CCDC196: variants seen among roughly 807,000 people sequenced by gnomAD.
CCDC196 encodes the protein coiled-coil domain-containing protein 196.
chr14:66,496,495 G>C (rs899450319), intron 8 of CCDC196, among the ~76,000 whole-genome samples: 2 of 152,166 alleles, frequency 1.3e-5, no homozygotes, highest in Non-Finnish European at 2.9e-5. Context: ...TTATACCTAC[G>C]ATGAAGTCTT....
rs1331191687 is a variant in CCDC196 at position 66,491,010 on chromosome 14, T to C, written c.430-11T>C. On this transcript the variant is annotated splice_polypyrimidine_tract_variant and intron_variant, in intron 5 of 9. Transcript: ENST00000636229. ...ACCTCTTATTCCTTTAGCTCTCTTC[T>C]TTCATCCCAGGCTCCCAAATCCCCC... 1 of 413,380 alleles carries C rather than the reference T, an allele frequency of 2.4e-6. No homozygotes were observed. Among genetic ancestry groups the C allele is most frequent in the Non-Finnish European group, 4.4e-6 (1 of 226,178 alleles). 25.6% of individuals were successfully genotyped at this position (413,380 alleles called of 1,614,324 possible). A position where few individuals can be genotyped will look rare whatever the true frequency, so the allele number is the denominator to read the frequency against.
intron 8 of CCDC196, 59 bp from the exon 9 acceptor site, chr14:66,498,049 TG>T (rs1255255404): frequency 1.3e-5 from 5 of 396,410 alleles, no homozygotes; most frequent in South Asian, 2.8e-4. Flanking sequence ...ACAAAACTAG[TG>T]GTTTTTTTTT....
Position 66,486,723 on chromosome 14 carries a change from A to G in CCDC196, c.117A>G (p.Glu39=). ...LNEDLKLRKQ[E]LLEMLKPLED... ...AGGACTTAAAGCTAAGGAAGCAGGA[A>G]CTGCTAGAGATGCTCAAACCTCTAG... Residue 39 remains glutamate (E), a synonymous_variant, in exon 2 of 10, where the codon GAA becomes GAG. Transcript: ENST00000636229. 2.4e-6 allele frequency: 1 copy of G among 413,450 alleles called. No homozygotes were observed. The highest frequency in any genetic ancestry group is 4.4e-6 in the Non-Finnish European group (1 of 226,126). The allele number at this position is 413,450 out of a possible 1,614,324, so 25.6% of individuals were successfully genotyped here.
At chr14:66,488,337 C>T (rs1029229806) in intron 3 of CCDC196, 81 bp downstream of exon 3, 2 of 405,660 alleles carry the variant, frequency 4.9e-6, no homozygotes, top group Non-Finnish European at 8.9e-6. Flanking sequence ...GAGAGAAAGA[C>T]AGAGTACTCA....
chr14:66,488,802 C>A (rs2057468658), intron 3 of CCDC196, among the ~76,000 whole-genome samples, 185 bp from the exon 4 acceptor site: 1 of 151,066 alleles, frequency 6.6e-6, no homozygotes. Context: ...TTTTTTTTAC[C>A]ATCATCATCA....
intron 9 of CCDC196, 57 bp downstream of exon 9, chr14:66,498,224 G>C (rs1470951452): frequency 7.3e-6 from 3 of 412,830 alleles, no homozygotes; most frequent in Middle Eastern, 6.3e-4. Context: ...TGAATAGATA[G>C]TGGGTATAGA....
intron 2 of CCDC196, among the ~76,000 whole-genome samples, chr14:66,487,161 T>G (rs1355898696): frequency 6.6e-6 from 1 of 152,108 alleles, no homozygotes; most frequent in Non-Finnish European, 1.5e-5. Flanking sequence ...AACTCTGCTC[T>G]TTCTATGCCA....
At chr14:66,493,457 G>GGTC (rs2057589052) in intron 8 of CCDC196, among the ~76,000 whole-genome samples, 1 of 152,138 alleles carries the variant, frequency 6.6e-6, no homozygotes, top group Non-Finnish European at 1.5e-5. Flanking sequence ...TTCTCCTCCA[G>GGTC]GTCCATATAA....
chr14:66,494,224 T>C (rs1296517430), intron 8 of CCDC196, among the ~76,000 whole-genome samples: 2 of 152,226 alleles, frequency 1.3e-5, no homozygotes, highest in South Asian at 2.1e-4. Flanking sequence ...TCTGCATTCA[T>C]TTAGCACTAA....
At chr14:66,498,065 T>C (rs202226535) in intron 8 of CCDC196, 44 bp from the exon 9 acceptor site, 266 of 393,654 alleles carry the variant, frequency 6.8e-4, no homozygotes, top group African/African-American at 2.9e-3. Context: ...TTTTTTTTTT[T>C]CCCCCTCAAA....
chr14:66,488,384 T>C, intron 3 of CCDC196, 128 bp downstream of exon 3: 1 of 396,024 alleles, frequency 2.5e-6, no homozygotes, highest in East Asian at 3.6e-5. Context: ...CATATCTCCT[T>C]GATCTAGAAA....
intron 6 of CCDC196, 80 bp downstream of exon 6, chr14:66,491,184 G>C: frequency 2.5e-6 from 1 of 407,994 alleles, no homozygotes; most frequent in East Asian, 3.6e-5. Flanking sequence ...ATTTGCCTAA[G>C]GTATGGTGTG....
At chr14:66,493,592 G>A (rs184806571) in intron 8 of CCDC196, among the ~76,000 whole-genome samples, 1 of 152,258 alleles carries the variant, frequency 6.6e-6, no homozygotes, top group East Asian at 1.9e-4. Context: ...CTGATAAAAA[G>A]ATATTAATCT....
intron 2 of CCDC196, 107 bp downstream of exon 2, chr14:66,486,916 G>A: frequency 2.5e-6 from 1 of 405,554 alleles, no homozygotes. Flanking sequence ...AATTACTAAA[G>A]GTTTGGACAT....
chr14:66,486,827 G>C lies in CCDC196; in HGVS notation c.203+18G>C. 2.4e-6 allele frequency: 1 copy of C among 412,704 alleles called. No individual in the cohort carries two copies. Among genetic ancestry groups the C allele is most frequent in the Non-Finnish European group, 4.4e-6 (1 of 225,986 alleles). The allele number at this position is 412,704 out of a possible 1,614,324, so 25.6% of individuals were successfully genotyped here. On this transcript the variant is annotated intron_variant, in intron 2 of 9. Coordinates refer to ENST00000636229, the MANE Select transcript of CCDC196 (RefSeq NM_001351576.1). The stretch of plus-strand genomic sequence containing the variant: ...CAAAGGAGGTACGGGCTCTTACTCT[G>C]GATTCCTAGAGGTAAAAAGGCTGGA...
At chr14:66,489,068 G>C (rs971253836) in intron 4 of CCDC196, 31 bp downstream of exon 4, 22 of 413,014 alleles carry the variant, frequency 5.3e-5, no homozygotes, top group African/African-American at 3.9e-4. Context: ...TGAAAGTATT[G>C]TCCTACAGAT....
intron 8 of CCDC196, among the ~76,000 whole-genome samples, chr14:66,494,420 TAA>T (rs1398613825): frequency 3.3e-5 from 5 of 152,192 alleles, no homozygotes; most frequent in Non-Finnish European, 5.9e-5. Context: ...ACTAATTATG[TAA>T]AGAGGTTATT....
At chr14:66,493,959 C>A (rs1015078944) in intron 8 of CCDC196, 2 of 152,146 alleles carry the variant, frequency 1.3e-5, no homozygotes, top group Admixed American at 6.5e-5. Context: ...GAGCCAAAAG[C>A]TTTTTAGCTC....
At chr14:66,496,548 T>C (rs1232592043) in intron 8 of CCDC196, 1 of 352,410 alleles carries the variant, frequency 2.8e-6, no homozygotes, top group African/African-American at 2.1e-5. Flanking sequence ...TGAAAGGATT[T>C]ACTTTTCCAC....
Sources: allele counts gnomAD v4.1 joint callset (sites outside exome capture counted in the v4.1 genomes callset), GRCh38; gene constraint gnomAD v4.1.1; transcripts MANE v1.5; gene names NCBI Gene and HGNC (gene_info 2026-07-23, HGNC 2026-07-21).